Variants in HAT1 observed in about 807,000 individuals in gnomAD.
The protein encoded by HAT1 is histone acetyltransferase type B catalytic subunit.
A neutral mutation model predicts 56.6 loss-of-function variants in HAT1; 20 were observed. The observed-to-expected ratio is 0.35, with a 90% CI of 0.25 to 0.51. The LOEUF (loss-of-function observed/expected upper bound fraction) is 0.51, where lower values mean the gene tolerates loss of function less well. Among genes scored for constraint, HAT1 ranks in the 20% least tolerant of loss-of-function variants. HAT1 has a pLI of 0.95. For missense variants in HAT1, 408 were observed against 504.3 expected, an observed-to-expected ratio of 0.81 and a Z score of 1.83; for synonymous variants, 146 against 165.5, an observed-to-expected ratio of 0.88 and a Z score of 0.91.
chr2:171,965,411 C>T lies in HAT1; in HGVS notation c.383C>T (p.Ser128Phe), dbSNP rs1305322223. Reference sequence around the variant, plus strand: ...TGCACAAACACGAATGATTTCCTTTCTTTACTGGAAAAGGAAGTTGATTTC... The same window carrying T: ...TGCACAAACACGAATGATTTCCTTTTTTTACTGGAAAAGGAAGTTGATTTC... ...GFCTNTNDFL[S>F]LLEKEVDFKP... Residue 128 changes from serine to phenylalanine, a missense_variant, in exon 5 of 11, where the codon TCT becomes TTT. Coordinates refer to ENST00000264108, the MANE Select transcript of HAT1 (RefSeq NM_003642.4). 2 of 1,610,326 alleles carry T rather than the reference C, an allele frequency of 1.2e-6. No individual in the cohort carries two copies. The highest frequency in any genetic ancestry group is 1.7e-6 in the Non-Finnish European group (2 of 1,176,940).
intron 10 of HAT1, among the ~76,000 whole-genome samples, chr2:171,981,183 T>C (rs981844456): frequency 6.6e-6 from 1 of 151,822 alleles, no homozygotes; most frequent in African/African-American, 2.4e-5. Context: ...AAGAAGAAAA[T>C]TTGTCATCTA....
intron 8 of HAT1, 74 bp downstream of exon 8, chr2:171,967,023 C>A: frequency 1.4e-6 from 1 of 708,220 alleles, no homozygotes; most frequent in South Asian, 1.7e-5. Flanking sequence ...TTATTTTTGT[C>A]AGAAATAACT....
At chr2:171,943,075 T>TCC (rs1687062782) in intron 2 of HAT1, among the ~76,000 whole-genome samples, 1 of 145,050 alleles carries the variant, frequency 6.9e-6, no homozygotes, top group African/African-American at 2.5e-5. Flanking sequence ...ATATTTGAGT[T>TCC]TTTTTTTTTT....
chr2:171,940,176 A>C (rs1353674247), intron 2 of HAT1, among the ~76,000 whole-genome samples: 4 of 152,206 alleles, frequency 2.6e-5, no homozygotes, highest in African/African-American at 9.6e-5. Context: ...AGTTTCCCTG[A>C]TATGTAATCA....
chr2:171,948,034 A>G (rs775728289), intron 3 of HAT1, among the ~76,000 whole-genome samples: 1 of 152,204 alleles, frequency 6.6e-6, no homozygotes, highest in Non-Finnish European at 1.5e-5. Context: ...AGAATAGTAC[A>G]GTGATCTCTG....
chr2:171,930,927 T>G (rs1686730208), intron 2 of HAT1, among the ~76,000 whole-genome samples: 1 of 152,120 alleles, frequency 6.6e-6, no homozygotes, highest in Admixed American at 6.5e-5. Flanking sequence ...AGGATTTTTT[T>G]TTTTAGATGT....
At chr2:171,966,671 G>C (rs1687690564) in intron 7 of HAT1, 158 bp downstream of exon 7, 1 of 627,654 alleles carries the variant, frequency 1.6e-6, no homozygotes, top group Admixed American at 2.9e-5. Flanking sequence ...CTTTGAAACA[G>C]TGTAGAAGAT....
chr2:171,928,783 C>T (rs765186120), intron 2 of HAT1, among the ~76,000 whole-genome samples: 10 of 152,218 alleles, frequency 6.6e-5, no homozygotes, highest in African/African-American at 2.4e-5. Context: ...GCTGGGATTA[C>T]AGGCGTGAGC....
chr2:171,977,963 G>T (rs1348503000), intron 9 of HAT1, among the ~76,000 whole-genome samples: 1 of 151,306 alleles, frequency 6.6e-6, no homozygotes, highest in African/African-American at 2.4e-5. Flanking sequence ...AACATCAACA[G>T]AAAAACTGTG....
intron 10 of HAT1, 44 bp from the exon 11 acceptor site, chr2:171,983,141 T>C (rs1688174285): frequency 8.3e-7 from 1 of 1,205,442 alleles, no homozygotes; most frequent in African/African-American, 1.5e-5. Flanking sequence ...TATAAGGAAA[T>C]ATATTTACTT....
At chr2:171,955,114 C>A (rs1687406899) in intron 4 of HAT1, among the ~76,000 whole-genome samples, 1 of 152,306 alleles carries the variant, frequency 6.6e-6, no homozygotes. Context: ...TTGTTTTAAG[C>A]CACCAAGTTT....
At chr2:171,931,490 A>G (rs1426992587) in intron 2 of HAT1, among the ~76,000 whole-genome samples, 3 of 152,178 alleles carry the variant, frequency 2.0e-5, no homozygotes, top group Non-Finnish European at 4.4e-5. Context: ...CCTGGTCAAC[A>G]TGGTGAAATT....
intron 1 of HAT1, chr2:171,924,353 C>T (rs1686525134): frequency 6.6e-6 from 1 of 152,070 alleles, no homozygotes; most frequent in African/African-American, 2.4e-5. Context: ...CGCGCCACCA[C>T]GTCCAGCTAA....
At chr2:171,973,400 C>A (rs1490695020) in intron 8 of HAT1, among the ~76,000 whole-genome samples, 761 of 133,144 alleles carry the variant, frequency 5.7e-3, no homozygotes, top group Middle Eastern at 0.012. Context: ...CCAATTTCTG[C>A]AAAAAAAAAA....
intron 4 of HAT1, among the ~76,000 whole-genome samples, chr2:171,963,247 T>G (rs974711293): frequency 5.3e-5 from 8 of 150,706 alleles, no homozygotes; most frequent in Non-Finnish European, 7.4e-5. Context: ...ATATAAAGAT[T>G]CCTTGCTTTA....
chr2:171,923,163 C>T (rs565655306), intron 1 of HAT1: 1 of 152,232 alleles, frequency 6.6e-6, no homozygotes, highest in South Asian at 2.1e-4. Context: ...TCTAGAGACC[C>T]TTCAAGTTAC....
intron 2 of HAT1, among the ~76,000 whole-genome samples, chr2:171,936,685 T>G (rs1686880518): frequency 6.6e-6 from 1 of 152,196 alleles, no homozygotes; most frequent in South Asian, 2.1e-4. Flanking sequence ...TTGTTTGTGC[T>G]GATGGGAATG....
At position 171,966,169 on chromosome 2, in the gene HAT1, C is replaced by T. The variant is rs917038662; in HGVS notation, c.612-240C>T. ...TTTGCCTGTGTTTTCTTTTACTTGC[C>T]ACCTATTCATCTTTATAATAGGCAA... On this transcript the variant is annotated intron_variant, in intron 6 of 10. Transcript: ENST00000264108. The T allele has an allele frequency of 5.0e-6, 3 of 604,462 alleles. No individual in the cohort carries two copies. The African/African-American group carries it at 5.6e-5, about 11-fold the overall frequency. 37.4% of individuals were successfully genotyped at this position (604,462 alleles called of 1,614,324 possible).
chr2:171,977,547 ATATATATATATTTTTTTTTTTTT>A (rs1455086020), intron 9 of HAT1, among the ~76,000 whole-genome samples: 2 of 14,338 alleles, frequency 1.4e-4, no homozygotes, highest in African/African-American at 6.4e-4. Context: ...ATATATATAT[ATATATATATATTTTTTTTTTTTT>A]TTTTTTTTTA....
Sources: gnomAD v4.1 joint callset for allele counts (sites outside exome capture counted in the v4.1 genomes callset) on GRCh38, gnomAD v4.1.1 for gene constraint, MANE v1.5 for transcripts, NCBI Gene and HGNC (gene_info 2026-07-23, HGNC 2026-07-21) for gene names.